Variants in CMIP observed in about 807,000 individuals in gnomAD.
The protein encoded by CMIP is C-Maf-inducing protein.
A neutral mutation model predicts 97.3 loss-of-function variants in CMIP; 13 were observed. The observed-to-expected ratio is 0.13, with a 90% CI of 0.09 to 0.21. The LOEUF is 0.21. Among genes scored for constraint, CMIP ranks in the 10% least tolerant of loss-of-function variants. CMIP has a pLI of 1.00. For missense variants in CMIP, 847 were observed against 1,024.9 expected (o/e 0.83, Z 2.37); for synonymous variants, 538 against 436.3 (o/e 1.23, Z -2.91).
intron 17 of CMIP, 51 bp from the exon 18 acceptor site, chr16:81,703,888 T>C: frequency 3.9e-6 from 6 of 1,551,594 alleles, no homozygotes; most frequent in Non-Finnish European, 4.3e-6. Context: ...GGGCTCAGGG[T>C]CTCGGGAACT....
intron 3 of CMIP, among the ~76,000 whole-genome samples, chr16:81,634,436 G>A (rs2092208038): frequency 6.6e-6 from 1 of 152,124 alleles, no homozygotes; most frequent in Admixed American, 6.5e-5. Flanking sequence ...GTTTCTCATA[G>A]CCTGAGATCA....
At chr16:81,581,307 A>G (rs1480854739) in intron 1 of CMIP, among the ~76,000 whole-genome samples, 6 of 152,084 alleles carry the variant, frequency 3.9e-5, no homozygotes, top group Non-Finnish European at 7.3e-5. Flanking sequence ...TAGTTAGGTG[A>G]TTTAGTCACT....
intron 1 of CMIP, among the ~76,000 whole-genome samples, chr16:81,597,604 G>C (rs899767427): frequency 2.8e-5 from 4 of 144,158 alleles, no homozygotes; most frequent in East Asian, 2.1e-4. Flanking sequence ...GGGGGGGGGG[G>C]AGTCTCCCAG....
intron 1 of CMIP, among the ~76,000 whole-genome samples, chr16:81,501,865 G>A (rs1277457343): frequency 6.6e-6 from 1 of 152,170 alleles, no homozygotes. Flanking sequence ...GCCCACCTCG[G>A]CCTCCCAAAG....
intron 1 of CMIP, among the ~76,000 whole-genome samples, chr16:81,538,481 C>G (rs59978829): frequency 0.02 from 2,987 of 152,284 alleles, 85 homozygotes; most frequent in African/African-American, 0.068. Context: ...TTGTTTGGGG[C>G]CAGCCTGTGT....
intron 10 of CMIP, among the ~76,000 whole-genome samples, chr16:81,688,362 G>C (rs776874661): frequency 6.6e-6 from 1 of 152,222 alleles, no homozygotes; most frequent in African/African-American, 2.4e-5. Flanking sequence ...CCAGGCAGGC[G>C]TTGGCTTTTG....
Position 81,613,750 on chromosome 16 carries a change from G to T in CMIP, c.426+6058G>T, listed in dbSNP as rs533898736. On this transcript the variant is annotated intron_variant, in intron 2 of 20. Coordinates refer to ENST00000537098, the MANE Select transcript of CMIP (RefSeq NM_198390.3). Reference sequence around the variant, plus strand: ...CTGTTGTGTGTGGACTTTCTTCGCTGAGCAGAATGGGTATATGAATGCCCC... The same window carrying T: ...CTGTTGTGTGTGGACTTTCTTCGCTTAGCAGAATGGGTATATGAATGCCCC... Among the ~76,000 whole-genome samples the T allele has an allele frequency of 3.3e-5, 5 of 152,240 alleles. No homozygotes were observed. The South Asian group carries it at 1.0e-3, about 32-fold the overall frequency.
At chr16:81,535,387 C>T (rs567976288) in intron 1 of CMIP, among the ~76,000 whole-genome samples, 1 of 151,944 alleles carries the variant, frequency 6.6e-6, no homozygotes, top group African/African-American at 2.4e-5. Flanking sequence ...GTGTATTTAA[C>T]CTTCTCGTGG....
intron 1 of CMIP, among the ~76,000 whole-genome samples, chr16:81,554,557 G>T (rs958412155): frequency 6.6e-6 from 1 of 152,190 alleles, no homozygotes; most frequent in South Asian, 2.1e-4. Context: ...CAGAATCCCA[G>T]ACTGGCAAAT....
intron 1 of CMIP, among the ~76,000 whole-genome samples, chr16:81,480,391 T>G (rs965367103): frequency 2.0e-5 from 3 of 151,892 alleles, no homozygotes; most frequent in African/African-American, 7.3e-5. Flanking sequence ...AATATAAAAA[T>G]TAGCCAGGCG....
rs551286313 is a variant in CMIP at position 81,573,315 on chromosome 16, G to A, written c.301-34252G>A. Among the ~76,000 whole-genome samples the A allele has an allele frequency of 1.1e-3, 160 of 151,268 alleles. 1 individual carries two copies. The highest frequency in any genetic ancestry group is 3.8e-3 in the African/African-American group (156 of 41,150). ...GCCGAGATCGCGTCACTGCACTCCAGCCTGGACAACAGAGCTAGACTCCAT... is the reference window on the plus strand; with the variant it reads ...GCCGAGATCGCGTCACTGCACTCCAACCTGGACAACAGAGCTAGACTCCAT... On this transcript the variant is annotated intron_variant, in intron 1 of 20. Transcript: ENST00000537098.
At chr16:81,476,804 G>C (rs2150752410) in intron 1 of CMIP, among the ~76,000 whole-genome samples, 1 of 152,274 alleles carries the variant, frequency 6.6e-6, no homozygotes, top group East Asian at 1.9e-4. Context: ...AGGAATCCAA[G>C]AGTTTCTCCC....
chr16:81,529,939 G>C (rs1277078438), intron 1 of CMIP, among the ~76,000 whole-genome samples: 1 of 152,188 alleles, frequency 6.6e-6, no homozygotes, highest in Non-Finnish European at 1.5e-5. Context: ...GGCCATTTGA[G>C]CAGCCATAGG....
intron 1 of CMIP, among the ~76,000 whole-genome samples, chr16:81,471,510 G>A (rs1907552147): frequency 6.6e-6 from 1 of 151,984 alleles, no homozygotes; most frequent in Non-Finnish European, 1.5e-5. Context: ...ATATACACAT[G>A]TGCAGACATG....
In CMIP at chr16:81,678,411, C is replaced by T. The variant is rs200882017; in HGVS notation, c.1171C>T (p.Arg391Trp). 9.4e-6 allele frequency: 15 copies of T among 1,599,400 alleles called. No homozygotes were observed. The highest frequency in any genetic ancestry group is 6.9e-5 in the East Asian group (3 of 43,716). The change falls in exon 10 of 21, where the codon CGG becomes TGG. Residue 391 changes from arginine (R) to tryptophan (W), a missense_variant. Physicochemically the swap from Arg to Trp is moderately radical, Grantham distance 101. This residue lies in a region of CMIP where 202 missense variants were observed against 168.7 expected (regional missense o/e 1.20). Coordinates refer to ENST00000537098, the MANE Select transcript of CMIP (RefSeq NM_198390.3). ...VSQEATLSEA[R>W]LKSVVVASSE... ...TCAGGAAGCCACGCTGTCTGAGGCC[C>T]GGCTCAAGTCGGTGGTCGTGGCCTC...
At chr16:81,575,381 A>G (rs1452751894) in intron 1 of CMIP, among the ~76,000 whole-genome samples, 2 of 152,184 alleles carry the variant, frequency 1.3e-5, no homozygotes, top group African/African-American at 2.4e-5. Context: ...GGAGACGACT[A>G]CAAAGCTGTC....
chr16:81,579,464 T>C (rs2091258639), intron 1 of CMIP, among the ~76,000 whole-genome samples: 1 of 152,208 alleles, frequency 6.6e-6, no homozygotes, highest in Admixed American at 6.5e-5. Context: ...CTTAGTGTCA[T>C]GTTCACCTTG....
At chr16:81,526,174 T>A (rs1329831965) in intron 1 of CMIP, among the ~76,000 whole-genome samples, 1 of 152,218 alleles carries the variant, frequency 6.6e-6, no homozygotes, top group African/African-American at 2.4e-5. Context: ...GAGAGCATTT[T>A]CTCGTCAGGA....
At chr16:81,669,020 T>C (rs1597222537) in intron 7 of CMIP, among the ~76,000 whole-genome samples, 2 of 69,190 alleles carry the variant, frequency 2.9e-5, no homozygotes, top group East Asian at 4.6e-4. Flanking sequence ...CACCTCACAC[T>C]CCTCCTTCCA....
Sources: gnomAD v4.1 joint callset for allele counts (sites outside exome capture counted in the v4.1 genomes callset) on GRCh38, gnomAD v4.1.1 for gene constraint, gnomAD v4.1.1 regional missense constraint, MANE v1.5 for transcripts, NCBI Gene and HGNC (gene_info 2026-07-23, HGNC 2026-07-21) for gene names.